ZNF558: variants seen among roughly 807,000 people sequenced by gnomAD.
ZNF558 encodes the protein zinc finger protein 558.
In ZNF558, 23 loss-of-function variants were observed where a neutral mutation model predicts 37.6. The observed-to-expected ratio is 0.61, with a 90% confidence interval of 0.44 to 0.87. The LOEUF (loss-of-function observed/expected upper bound fraction) is 0.87. ZNF558 is among the 40% of genes least tolerant of loss of function. ZNF558 has a pLI of 0.00. For missense variants in ZNF558, 429 were observed against 483.7 expected (o/e 0.89, Z 1.06); for synonymous variants, 189 against 174.4 (o/e 1.08, Z -0.66).
At chr19:8,834,652 A>G (rs1241790115), upstream of ZNF558, among the ~76,000 whole-genome samples, 1 of 151,716 alleles carries the variant, frequency 6.6e-6, no homozygotes, top group Non-Finnish European at 1.5e-5. Context: ...AAAAAAACCA[A>G]CCAACCAAGA....
upstream of ZNF558, among the ~76,000 whole-genome samples, chr19:8,836,065 AT>A (rs1368681257): frequency 2.0e-5 from 3 of 152,208 alleles, no homozygotes; most frequent in Admixed American, 6.5e-5. Flanking sequence ...ATAAGATTAG[AT>A]AGTGGTGACG....
At position 8,825,010 on chromosome 19, in the gene ZNF558, C is replaced by A. The variant is rs549029529; in HGVS notation, c.-410G>T. ...ACAATGACCTTACTCACCAGGGAGA[C>A]GTGGATTGCAGCAACTCTGGCGCTA... is the stretch of plus-strand genomic sequence containing the variant. On this transcript the variant is annotated 5_prime_UTR_variant, in exon 3 of 10. Coordinates refer to ENST00000601372, the MANE Select transcript of ZNF558 (RefSeq NM_144693.3). 6.6e-6 allele frequency: 1 copy of A among 152,348 alleles called. No homozygotes were observed. The highest frequency in any genetic ancestry group is 1.9e-4 in the East Asian group (1 of 5,182). The allele number at this position is 152,348 out of a possible 1,614,324, so 9.4% of individuals were successfully genotyped here.
chr19:8,826,573 A>G (rs2044236604), intron 2 of ZNF558, among the ~76,000 whole-genome samples: 2 of 152,006 alleles, frequency 1.3e-5, no homozygotes, highest in Admixed American at 6.6e-5. Flanking sequence ...CAGGAGGTGG[A>G]GCTCAGGTGG....
rs1376973191 is a variant in ZNF558, at chr19:8,822,829, G to C, written c.-65-105C>G. 2 of 1,034,232 alleles carry C rather than the reference G, an allele frequency of 1.9e-6. No homozygotes were observed. The highest frequency in any genetic ancestry group is 2.8e-6 in the Non-Finnish European group (2 of 707,730). The allele number at this position is 1,034,232 out of a possible 1,614,324, so 64.1% of individuals were successfully genotyped here. On this transcript the variant is annotated intron_variant, in intron 4 of 9. Coordinates refer to ENST00000601372, the MANE Select transcript of ZNF558 (RefSeq NM_144693.3). The surrounding 1 kb of genome is among the most constrained non-coding windows in gnomAD (Gnocchi z 4.4). ...CCTTCCCATCCTTCTTCAAATGCAAGTTCCGGCTTCCACACTGGGCCTTTA... is the reference window on the plus strand; with the variant it reads ...CCTTCCCATCCTTCTTCAAATGCAACTTCCGGCTTCCACACTGGGCCTTTA...
chr19:8,820,178 G>A (rs565816978), intron 7 of ZNF558, among the ~76,000 whole-genome samples: 1 of 152,278 alleles, frequency 6.6e-6, no homozygotes, highest in Admixed American at 6.5e-5. Flanking sequence ...CTCCTGCATT[G>A]GCGGGAACGT....
chr19:8,821,439 C>T, intron 6 of ZNF558, 133 bp from the exon 7 acceptor site: 2 of 1,559,964 alleles, frequency 1.3e-6, no homozygotes, highest in East Asian at 2.3e-5. Flanking sequence ...GTTCTGAGCT[C>T]ACCTCCCAGG....
rs567078706 is a variant in ZNF558 at position 8,811,724 on chromosome 19, T to A, written c.766A>T (p.Arg256Trp). ...RTSCNLKSHK[R>W]IHTGENHHEC... ...TGGTGATTCTCCCCCGTGTGAATCC[T>A]CTTGTGGCTTTTGAGGTTACAACTG... The change falls in exon 10 of 10, where the codon AGG (arginine) becomes TGG (tryptophan). Residue 256 changes from arginine to tryptophan, a missense_variant. Physicochemically the swap from Arg to Trp is moderately radical, Grantham distance 101. Transcript: ENST00000601372. 22 of 1,614,164 alleles carry A rather than the reference T, an allele frequency of 1.4e-5. No homozygotes were observed. The South Asian group carries it at 2.4e-4, about 18-fold the overall frequency.
intron 6 of ZNF558, chr19:8,821,537 T>C: frequency 2.8e-6 from 4 of 1,429,638 alleles, no homozygotes; most frequent in South Asian, 1.5e-5. Context: ...CCTCAATGCT[T>C]GTCTCCTTAG....
chr19:8,811,927 G>A lies in ZNF558; in HGVS notation c.563C>T (p.Ser188Phe). ...AGTAAGGTAAGATCTGCTACTGAAGGACTTCCCACATTGACTACAGTCATA... is the reference window on the plus strand; with the variant it reads ...AGTAAGGTAAGATCTGCTACTGAAGAACTTCCCACATTGACTACAGTCATA... ...KPYDCSQCGK[S>F]FSSRSYLTIH... Residue 188 changes from serine (S) to phenylalanine (F), a missense_variant, in exon 10 of 10, where the codon TCC becomes TTC. Physicochemically the swap from Ser to Phe is radical, Grantham distance 155. Coordinates refer to ENST00000601372, the MANE Select transcript of ZNF558 (RefSeq NM_144693.3). 6.2e-7 allele frequency: 1 copy of A among 1,614,002 alleles called. No homozygotes were observed.
chr19:8,812,170 A>C lies in ZNF558; in HGVS notation c.427-107T>G, dbSNP rs949663956. 3 of 1,127,770 alleles carry C rather than the reference A, an allele frequency of 2.7e-6. 1 individual carries two copies. The highest frequency in any genetic ancestry group is 3.4e-5 in the Admixed American group (1 of 29,436). The allele number at this position is 1,127,770 out of a possible 1,614,324, so 69.9% of individuals were successfully genotyped here. A position where few individuals can be genotyped will look rare whatever the true frequency, so the allele number is the denominator to read the frequency against. On this transcript the variant is annotated intron_variant, in intron 9 of 9. Coordinates refer to ENST00000601372, the MANE Select transcript of ZNF558 (RefSeq NM_144693.3). ...GAATTCTGTTACATTATTATAATTG[A>C]TATTTTGGCTACTTTCAGTGGTTGT...
intron 2 of ZNF558, chr19:8,830,642 A>G (rs549918519): frequency 6.6e-6 from 1 of 152,354 alleles, no homozygotes; most frequent in South Asian, 2.1e-4. Context: ...CTGTAATCCC[A>G]GCACTTTGGG....
At chr19:8,812,892 G>T (rs1242933979) in intron 8 of ZNF558, among the ~76,000 whole-genome samples, 3 of 152,242 alleles carry the variant, frequency 2.0e-5, no homozygotes, top group Admixed American at 2.0e-4. Flanking sequence ...TTTCAAAAGA[G>T]TTGCATCTTT....
At chr19:8,828,142 G>A (rs1194176351) in intron 2 of ZNF558, among the ~76,000 whole-genome samples, 1 of 152,198 alleles carries the variant, frequency 6.6e-6, no homozygotes, top group Non-Finnish European at 1.5e-5. Flanking sequence ...TCCTTTAAGG[G>A]AAATTCCGAG....
intron 2 of ZNF558, among the ~76,000 whole-genome samples, chr19:8,827,318 T>C (rs2044253520): frequency 6.6e-6 from 1 of 152,172 alleles, no homozygotes; most frequent in African/African-American, 2.4e-5. Context: ...AAATAAATTT[T>C]ATTTTTTTTG....
intron 2 of ZNF558, among the ~76,000 whole-genome samples, chr19:8,826,156 C>T (rs975164401): frequency 1.3e-5 from 2 of 152,086 alleles, no homozygotes; most frequent in Non-Finnish European, 2.9e-5. Context: ...GAAATGGGTT[C>T]TCCCCTAGAG....
intron 2 of ZNF558, among the ~76,000 whole-genome samples, chr19:8,828,899 G>A (rs530205845): frequency 6.6e-5 from 10 of 150,710 alleles, no homozygotes; most frequent in South Asian, 4.3e-4. Flanking sequence ...GGAGGCAGAC[G>A]TTGCAGTGAG....
Position 8,806,679 on chromosome 19 carries a change from C to T in ZNF558, c.*4602G>A, listed in dbSNP as rs926301145. The T allele has an allele frequency of 7.5e-6, 1 of 133,806 alleles. No homozygotes were observed. The highest frequency in any genetic ancestry group is 2.4e-4 in the South Asian group (1 of 4,154). 8.3% of individuals were successfully genotyped at this position (133,806 alleles called of 1,614,324 possible). ...ATGCCACTGCACTCCAGCATGGCGA[C>T]AGAGTGAGACTCCATCTCAAAAAAA... On this transcript the variant is annotated 3_prime_UTR_variant, in exon 10 of 10. Transcript: ENST00000601372.
chr19:8,807,168 G>C lies in ZNF558; in HGVS notation c.*4113C>G, dbSNP rs1254530709. On this transcript the variant is annotated 3_prime_UTR_variant, in exon 10 of 10. Transcript: ENST00000601372. ...GCTATTTCCTGCAGGAGGACCTGGG[G>C]CTGGATGCTATCGCTGACTGACCTC... is the stretch of plus-strand genomic sequence containing the variant. 6.6e-6 allele frequency: 1 copy of C among 152,246 alleles called. No individual in the cohort carries two copies. Among genetic ancestry groups the C allele is most frequent in the African/African-American group, 2.4e-5 (1 of 41,434 alleles). The allele number at this position is 152,246 out of a possible 1,614,324, so 9.4% of individuals were successfully genotyped here.
chr19:8,819,288 C>A (rs911419493), intron 7 of ZNF558, among the ~76,000 whole-genome samples: 3 of 152,196 alleles, frequency 2.0e-5, no homozygotes, highest in Non-Finnish European at 4.4e-5. Context: ...TCAAGTGATT[C>A]TCTTGCCTCA....
Sources: allele counts gnomAD v4.1 joint callset (sites outside exome capture counted in the v4.1 genomes callset), GRCh38; gene constraint gnomAD v4.1.1; non-coding constraint Gnocchi (gnomAD v3.1); transcripts MANE v1.5; gene names NCBI Gene and HGNC (gene_info 2026-07-23, HGNC 2026-07-21).